The following APBB2 variants were observed in gnomAD, a reference collection of about 807,000 sequenced individuals.
APBB2 encodes Fe65-like 1.
In APBB2, 38 loss-of-function variants were observed where a neutral mutation model predicts 82.5. The observed-to-expected ratio is 0.46, with a 90% CI of 0.36 to 0.60. The LOEUF (loss-of-function observed/expected upper bound fraction) is 0.60, where lower values mean the gene tolerates loss of function less well. APBB2 is among the 20% of genes least tolerant of loss of function. The pLI, the probability that APBB2 is intolerant of heterozygous loss-of-function variation, is 0.00. For missense variants in APBB2, 772 were observed against 972.3 expected (o/e 0.79, Z 2.74); for synonymous variants, 341 against 368.2 (o/e 0.93, Z 0.85).
At chr4:41,016,080 T>C (rs1474529301) in intron 5 of APBB2, among the ~76,000 whole-genome samples, 1 of 152,186 alleles carries the variant, frequency 6.6e-6, no homozygotes, top group East Asian at 1.9e-4. Flanking sequence ...CTGAGACACA[T>C]ATCCAGAGCA....
intron 1 of APBB2, among the ~76,000 whole-genome samples, chr4:41,154,513 T>A (rs2154029775): frequency 1.3e-5 from 2 of 152,266 alleles, no homozygotes; most frequent in South Asian, 2.1e-4. Context: ...AGATTTTTAT[T>A]CTCTATGGAC....
chr4:41,193,587 G>C lies in APBB2; in HGVS notation c.-417+20818C>G. ...CCCCAAGGTAAGCTACTTTTTGTCA[G>C]TGAGCTTAACATGTTCCTTGCGGAG... On this transcript the variant is annotated intron_variant, in intron 1 of 17. Transcript: ENST00000508593. 705 of 984,808 alleles carry C rather than the reference G, an allele frequency of 7.2e-4. 3 individuals carry two copies. The African/African-American group carries it at 0.012, about 16-fold the overall frequency. 61.0% of individuals were successfully genotyped at this position (984,808 alleles called of 1,614,324 possible). A position where few individuals can be genotyped will look rare whatever the true frequency, so the allele number is the denominator to read the frequency against.
At chr4:40,894,790 C>T (rs911311393) in intron 10 of APBB2, among the ~76,000 whole-genome samples, 8 of 152,112 alleles carry the variant, frequency 5.3e-5, no homozygotes, top group Non-Finnish European at 7.3e-5. Flanking sequence ...AATCCAAAGA[C>T]GTATGGAGAA....
chr4:41,043,259 T>C (rs1444135032), intron 4 of APBB2, among the ~76,000 whole-genome samples: 1 of 152,180 alleles, frequency 6.6e-6, no homozygotes, highest in Non-Finnish European at 1.5e-5. Context: ...ATGTCCATCA[T>C]TAGGAAACTG....
At chr4:41,193,604 C>T in intron 1 of APBB2, 2 of 981,924 alleles carry the variant, frequency 2.0e-6, no homozygotes, top group Non-Finnish European at 2.4e-6. Flanking sequence ...TAACATGTTC[C>T]TTGCGGAGGC....
intron 5 of APBB2, among the ~76,000 whole-genome samples, chr4:41,028,033 T>C (rs1256524655): frequency 2.0e-5 from 3 of 152,246 alleles, no homozygotes; most frequent in Non-Finnish European, 4.4e-5. Flanking sequence ...CCTGCATGCA[T>C]GATGAAGGAA....
At chr4:40,822,858 C>A (rs530433364) in intron 16 of APBB2, among the ~76,000 whole-genome samples, 5 of 152,128 alleles carry the variant, frequency 3.3e-5, no homozygotes, top group African/African-American at 1.2e-4. Flanking sequence ...GGGTAAGGGT[C>A]GGGTAGGCAG....
At chr4:41,134,539 A>C (rs557731625) in intron 2 of APBB2, among the ~76,000 whole-genome samples, 1 of 152,268 alleles carries the variant, frequency 6.6e-6, no homozygotes, top group Non-Finnish European at 1.5e-5. Flanking sequence ...CTTCATAGGC[A>C]GTGCTTTGAT....
chr4:40,944,441 C>A (rs754757078), intron 7 of APBB2, among the ~76,000 whole-genome samples: 1 of 152,160 alleles, frequency 6.6e-6, no homozygotes, highest in Non-Finnish European at 1.5e-5. Context: ...ATTCCCTCCA[C>A]GCTATCAAAC....
At chr4:40,906,714 T>C (rs1219104891) in intron 10 of APBB2, among the ~76,000 whole-genome samples, 6 of 152,058 alleles carry the variant, frequency 3.9e-5, no homozygotes, top group Non-Finnish European at 7.4e-5. Flanking sequence ...ATACAAAACA[T>C]TGGAAACATT....
At chr4:40,838,460 TGAG>T (rs1256561321) in intron 12 of APBB2, among the ~76,000 whole-genome samples, 1 of 150,504 alleles carries the variant, frequency 6.6e-6, no homozygotes, top group Admixed American at 6.7e-5. Flanking sequence ...CTCAGCCTCC[TGAG>T]TAGTTGGGAC....
chr4:40,859,772 C>T (rs199646319), intron 12 of APBB2, among the ~76,000 whole-genome samples: 2 of 152,204 alleles, frequency 1.3e-5, no homozygotes, highest in East Asian at 3.9e-4. Flanking sequence ...ATGCTGCAAC[C>T]ACATTCCCTC....
rs1413637426 is a variant in APBB2 at position 40,825,966 on chromosome 4, A to G, written c.1737T>C (p.Asp579=). Residue 579 remains aspartate (D), a synonymous_variant, in exon 15 of 18, where the codon GAT becomes GAC. Coordinates refer to ENST00000508593, the MANE Select transcript of APBB2 (RefSeq NM_004307.2). ...CCAGCTCAGTCTTTGGTGTTGGAAA[A>G]TCTACTACAGGGAACAAAAGCAACA... The part of the protein sequence containing the change: ...NVNLDVPLQV[D]FPTPKTELVQ... 3 of 1,613,860 alleles carry G rather than the reference A, an allele frequency of 1.9e-6. No homozygotes were observed. The highest frequency in any genetic ancestry group is 1.1e-5 in the South Asian group (1 of 91,064).
intron 2 of APBB2, among the ~76,000 whole-genome samples, chr4:41,130,743 G>GC: frequency 6.6e-6 from 1 of 152,118 alleles, no homozygotes; most frequent in Non-Finnish European, 1.5e-5. Context: ...GCCTACCGAT[G>GC]CCCCAAGACC....
intron 6 of APBB2, among the ~76,000 whole-genome samples, chr4:40,981,314 G>C (rs1798416076): frequency 6.6e-6 from 1 of 151,930 alleles, no homozygotes; most frequent in African/African-American, 2.4e-5. Flanking sequence ...GAGGCAAGTG[G>C]AGGTTTACAG....
At chr4:41,129,456 C>T (rs1431482144) in intron 2 of APBB2, among the ~76,000 whole-genome samples, 1 of 152,212 alleles carries the variant, frequency 6.6e-6, no homozygotes, top group Non-Finnish European at 1.5e-5. Context: ...TCCAAATCAA[C>T]AGTCTAGACT....
intron 10 of APBB2, among the ~76,000 whole-genome samples, chr4:40,914,216 A>T (rs940025247): frequency 1.1e-4 from 16 of 151,676 alleles, no homozygotes; most frequent in African/African-American, 3.1e-4. Context: ...TAAAAATACA[A>T]AAAAAAATTA....
At chr4:40,905,634 C>A (rs754223862) in intron 10 of APBB2, among the ~76,000 whole-genome samples, 5 of 152,180 alleles carry the variant, frequency 3.3e-5, no homozygotes, top group Non-Finnish European at 7.3e-5. Context: ...CACGAAGCAA[C>A]CTTGAGAAAA....
intron 12 of APBB2, chr4:40,880,992 A>G: frequency 1.0e-6 from 1 of 985,394 alleles, no homozygotes; most frequent in Non-Finnish European, 1.2e-6. Flanking sequence ...TCTAAGGGAA[A>G]CTGTTCTTGG....
Sources: gnomAD v4.1 joint callset for allele counts (sites outside exome capture counted in the v4.1 genomes callset) on GRCh38, gnomAD v4.1.1 for gene constraint, MANE v1.5 for transcripts, NCBI Gene and HGNC (gene_info 2026-07-23, HGNC 2026-07-21) for gene names.